ANKRD30B: variants seen among roughly 807,000 people sequenced by gnomAD.
ANKRD30B encodes the protein ankyrin repeat domain 30B, also known as ankyrin repeat domain-containing protein 30B.
A neutral mutation model predicts 202.2 loss-of-function variants in ANKRD30B; 144 were observed. That is an observed-to-expected ratio of 0.71 (90% CI 0.62 to 0.82). The LOEUF (loss-of-function observed/expected upper bound fraction) is 0.82. ANKRD30B is among the 40% of genes least tolerant of loss of function. The pLI, the probability that ANKRD30B is intolerant of heterozygous loss-of-function variation, is 0.00. For synonymous variants in ANKRD30B, 508 were observed against 561.3 expected, an observed-to-expected ratio of 0.91 and a Z score of 1.34; for missense variants, 1,487 against 1,669.1, an observed-to-expected ratio of 0.89 and a Z score of 1.90.
chr18:14,753,148 A>G, intron 3 of ANKRD30B, 136 bp downstream of exon 3: 2 of 667,586 alleles, frequency 3.0e-6, no homozygotes, highest in Non-Finnish European at 2.3e-6. Flanking sequence ...ATTATCTAAG[A>G]TTTAACCTTA....
At chr18:14,858,588 G>A (rs1972136731), downstream of ANKRD30B, among the ~76,000 whole-genome samples, 1 of 109,162 alleles carries the variant, frequency 9.2e-6, no homozygotes, top group Non-Finnish European at 1.9e-5. Context: ...CCAGGCAAGA[G>A]GTGCTCCTCA....
the ANKRD30B span, chr18:14,883,397 C>CTA: frequency 2.9e-4 from 15 of 52,384 alleles, no homozygotes; most frequent in African/African-American, 1.0e-3. Flanking sequence ...CTCTCTCTCT[C>CTA]TCTATATATA....
rs147537768 is a variant in ANKRD30B, at chr18:14,809,664, G to T, written c.2387-322G>T. On this transcript the variant is annotated intron_variant, in intron 26 of 43. Transcript: ENST00000690538. ...TCCCTGACTGCACGTCCATTCACAG[G>T]CTCTCTGCAGGGGGAAACACATCAC... 2.0e-3 allele frequency among the ~76,000 whole-genome samples: 303 copies of T among 151,004 alleles called. 23 individuals are homozygous for T. Among genetic ancestry groups the T allele is most frequent in the African/African-American group, 7.1e-3 (292 of 40,906 alleles).
the ANKRD30B span, among the ~76,000 whole-genome samples, chr18:14,866,374 G>C: frequency 0.52 from 79,396 of 151,414 alleles, 20,970 homozygotes; most frequent in African/African-American, 0.55. Flanking sequence ...GTGGTAGGAG[G>C]GGGGCTGGAG....
intron 16 of ANKRD30B, 25 bp downstream of exon 16, chr18:14,791,516 A>C: frequency 6.4e-7 from 1 of 1,562,588 alleles, no homozygotes; most frequent in Non-Finnish European, 8.7e-7. Context: ...TTAATTAAAA[A>C]GTCATTTGAC....
the ANKRD30B span, among the ~76,000 whole-genome samples, chr18:14,902,191 C>T: frequency 6.1e-4 from 93 of 152,252 alleles, no homozygotes; most frequent in Non-Finnish European, 1.2e-3. Flanking sequence ...CACCCCCTCC[C>T]CACAACATAT....
intron 9 of ANKRD30B, among the ~76,000 whole-genome samples, chr18:14,776,382 T>C (rs942153150): frequency 5.9e-5 from 9 of 152,222 alleles, no homozygotes; most frequent in Non-Finnish European, 1.3e-4. Flanking sequence ...TGGAGAACTT[T>C]ATAATTAGCA....
chr18:14,845,682 T>C (rs542261925), intron 39 of ANKRD30B, among the ~76,000 whole-genome samples: 129 of 152,068 alleles, frequency 8.5e-4, no homozygotes, highest in African/African-American at 3.1e-3. Flanking sequence ...TCTCTTTGCC[T>C]AGTATTTAAA....
intron 12 of ANKRD30B, 63 bp downstream of exon 12, chr18:14,782,677 T>C: frequency 9.6e-7 from 1 of 1,043,146 alleles, no homozygotes; most frequent in East Asian, 2.6e-5. Context: ...GCATGATGAC[T>C]GAAATACTCT....
At chr18:14,757,201 A>G (rs184834430) in intron 4 of ANKRD30B, among the ~76,000 whole-genome samples, 5 of 152,342 alleles carry the variant, frequency 3.3e-5, no homozygotes, top group African/African-American at 1.2e-4. Context: ...TAGGCTTTTG[A>G]TTCACACAAG....
intron 4 of ANKRD30B, among the ~76,000 whole-genome samples, chr18:14,756,504 C>A (rs1226083738): frequency 6.6e-6 from 1 of 152,102 alleles, no homozygotes; most frequent in Non-Finnish European, 1.5e-5. Context: ...AATGGTATTG[C>A]CTAGGTTTTC....
At chr18:14,833,170 C>T (rs1167803150) in intron 34 of ANKRD30B, among the ~76,000 whole-genome samples, 1 of 151,438 alleles carries the variant, frequency 6.6e-6, no homozygotes, top group African/African-American at 2.4e-5. Context: ...CTCTTCACCT[C>T]GTGATCTGCC....
chr18:14,789,508 G>A (rs1251146139), intron 15 of ANKRD30B, among the ~76,000 whole-genome samples: 1 of 152,114 alleles, frequency 6.6e-6, no homozygotes. Flanking sequence ...TTCTTCTAGG[G>A]TTTTTATGGT....
the ANKRD30B span, chr18:14,890,210 T>C: frequency 1.8e-6 from 1 of 556,992 alleles, no homozygotes; most frequent in Non-Finnish European, 3.2e-6. Flanking sequence ...TTAATGTGAT[T>C]ATTTACACAG....
the ANKRD30B span, among the ~76,000 whole-genome samples, chr18:14,861,422 A>C: frequency 6.6e-6 from 1 of 151,684 alleles, no homozygotes; most frequent in African/African-American, 2.4e-5. Flanking sequence ...AAATGGATGG[A>C]AAAATATTCA....
chr18:14,837,377 T>G, intron 35 of ANKRD30B, 88 bp downstream of exon 35: 1 of 1,201,998 alleles, frequency 8.3e-7, no homozygotes, highest in Non-Finnish European at 1.2e-6. Flanking sequence ...TTAAATGCTG[T>G]TATATAGAAA....
intron 8 of ANKRD30B, 112 bp from the exon 9 acceptor site, chr18:14,772,044 G>C: frequency 1.9e-6 from 1 of 539,598 alleles, no homozygotes. Context: ...TCTTTCCCCA[G>C]ATTTTGTTTT....
chr18:14,882,634 T>C, the ANKRD30B span, among the ~76,000 whole-genome samples: 1 of 152,108 alleles, frequency 6.6e-6, no homozygotes, highest in Non-Finnish European at 1.5e-5. Context: ...TGTTCCAAAG[T>C]ATAGTTTAAA....
At chr18:14,847,048 TTTTATATATATATATATATATATATA>T (rs1191261985) in intron 39 of ANKRD30B, among the ~76,000 whole-genome samples, 1 of 90,090 alleles carries the variant, frequency 1.1e-5, no homozygotes, top group Non-Finnish European at 2.2e-5. Context: ...TATGATTTAG[TTTTATATATATATATATATATATATA>T]TATATATATA....
Sources: gnomAD v4.1 joint callset for allele counts (sites outside exome capture counted in the v4.1 genomes callset) on GRCh38, gnomAD v4.1.1 for gene constraint, MANE v1.5 for transcripts, NCBI Gene and HGNC (gene_info 2026-07-23, HGNC 2026-07-21) for gene names.